LCLAT1: variants seen among roughly 807,000 people sequenced by gnomAD.
LCLAT1 encodes 1-AGP acyltransferase 8.
LCLAT1 carries 11 observed loss-of-function variants against 30.7 expected under a neutral mutation model. That is an observed-to-expected ratio of 0.36 (90% CI 0.23 to 0.59). The LOEUF (loss-of-function observed/expected upper bound fraction) is 0.59. Among genes scored for constraint, LCLAT1 ranks in the 20% least tolerant of loss-of-function variants. LCLAT1 has a pLI of 0.77. For missense variants in LCLAT1, 402 were observed against 458.6 expected (o/e 0.88, Z 1.13); for synonymous variants, 155 against 151.3 (o/e 1.02, Z -0.18).
intron 1 of LCLAT1, among the ~76,000 whole-genome samples, chr2:30,494,059 G>T (rs575255911): frequency 6.6e-6 from 1 of 151,752 alleles, no homozygotes; most frequent in East Asian, 1.9e-4. Context: ...TAAAATAGAA[G>T]AATAAAAAAA....
intron 3 of LCLAT1, among the ~76,000 whole-genome samples, chr2:30,548,363 G>A (rs546586200): frequency 2.6e-5 from 4 of 152,238 alleles, no homozygotes; most frequent in African/African-American, 4.8e-5. Flanking sequence ...AGGGAGCCAC[G>A]GGACATCAAT....
chr2:30,572,665 A>C (rs1004807170), intron 5 of LCLAT1, among the ~76,000 whole-genome samples: 4 of 152,056 alleles, frequency 2.6e-5, no homozygotes, highest in African/African-American at 9.7e-5. Flanking sequence ...CCACTGTATA[A>C]GAAGCTTACA....
intron 1 of LCLAT1, among the ~76,000 whole-genome samples, chr2:30,477,858 G>A (rs1162121771): frequency 7.2e-5 from 11 of 152,006 alleles, no homozygotes; most frequent in Non-Finnish European, 1.5e-4. Flanking sequence ...CTCTGTGCCC[G>A]TTTTGGTAAA....
At chr2:30,617,243 A>G (rs1210522803) in intron 5 of LCLAT1, among the ~76,000 whole-genome samples, 1 of 152,108 alleles carries the variant, frequency 6.6e-6, no homozygotes, top group African/African-American at 2.4e-5. Flanking sequence ...TTCTGTCACC[A>G]TAGTTTTGCC....
At chr2:30,598,272 G>C (rs985332578) in intron 5 of LCLAT1, among the ~76,000 whole-genome samples, 1 of 151,956 alleles carries the variant, frequency 6.6e-6, no homozygotes, top group Non-Finnish European at 1.5e-5. Context: ...GTCTGGTCCT[G>C]GGCTTTTTTT....
chr2:30,473,201 G>A (rs2692041), intron 1 of LCLAT1, among the ~76,000 whole-genome samples: 33,848 of 152,026 alleles, frequency 0.22, 3,862 homozygotes, highest in East Asian at 0.35. Flanking sequence ...GTGTCTAACT[G>A]TATTACATAT....
At chr2:30,600,449 A>G (rs975476354) in intron 5 of LCLAT1, among the ~76,000 whole-genome samples, 6 of 152,198 alleles carry the variant, frequency 3.9e-5, no homozygotes, top group Non-Finnish European at 8.8e-5. Flanking sequence ...CATCACAACT[A>G]AAAGAACTAG....
intron 2 of LCLAT1, among the ~76,000 whole-genome samples, chr2:30,531,054 A>G (rs765899642): frequency 6.6e-6 from 1 of 152,118 alleles, no homozygotes; most frequent in African/African-American, 2.4e-5. Context: ...TCGCAAGTTC[A>G]GGAGTTCAAG....
chr2:30,631,098 C>G (rs1668746932), intron 5 of LCLAT1, among the ~76,000 whole-genome samples: 1 of 152,208 alleles, frequency 6.6e-6, no homozygotes, highest in South Asian at 2.1e-4. Flanking sequence ...TGCATTGACA[C>G]AGCCACAACT....
At chr2:30,526,547 G>T (rs1254658243) in intron 2 of LCLAT1, among the ~76,000 whole-genome samples, 1 of 152,150 alleles carries the variant, frequency 6.6e-6, no homozygotes, top group Admixed American at 6.5e-5. Flanking sequence ...TCAGCTGGAT[G>T]ATGTCTAGTA....
At chr2:30,510,179 C>T (rs1294526458) in intron 1 of LCLAT1, among the ~76,000 whole-genome samples, 1 of 151,928 alleles carries the variant, frequency 6.6e-6, no homozygotes, top group African/African-American at 2.4e-5. Context: ...TTCTTGACCT[C>T]TCATCTATGA....
intron 5 of LCLAT1, among the ~76,000 whole-genome samples, chr2:30,595,080 GATTT>G (rs1283050347): frequency 6.6e-5 from 10 of 151,972 alleles, no homozygotes; most frequent in African/African-American, 9.7e-5. Flanking sequence ...GTGAATAAGA[GATTT>G]ATTATGTATC....
intron 1 of LCLAT1, among the ~76,000 whole-genome samples, chr2:30,467,507 C>T (rs1336416115): frequency 3.3e-5 from 5 of 152,334 alleles, no homozygotes; most frequent in South Asian, 4.1e-4. Context: ...CTTGAGGAAT[C>T]GCCACACTGT....
chr2:30,590,323 A>AT (rs35473084), intron 5 of LCLAT1, among the ~76,000 whole-genome samples: 86,378 of 148,602 alleles, frequency 0.58, 25,247 homozygotes, highest in Non-Finnish European at 0.62. Context: ...CTTTTGATAG[A>AT]TTTTTTTTTT....
chr2:30,461,769 A>G (rs1431638802), intron 1 of LCLAT1, among the ~76,000 whole-genome samples: 3 of 121,278 alleles, frequency 2.5e-5, no homozygotes, highest in Non-Finnish European at 5.4e-5. Flanking sequence ...TCTAAATTAA[A>G]CTTTTTTTTT....
At chr2:30,534,953 C>T (rs1686172084) in intron 3 of LCLAT1, among the ~76,000 whole-genome samples, 1 of 152,032 alleles carries the variant, frequency 6.6e-6, no homozygotes, top group Admixed American at 6.5e-5. Flanking sequence ...GATATACTAA[C>T]AGGATATTAA....
chr2:30,545,443 G>A lies in LCLAT1; in HGVS notation c.364+12129G>A, dbSNP rs116777752. The stretch of plus-strand genomic sequence containing the variant: ...GTGCAACTGACTAAAGGAAAACACT[G>A]TATCTGTAGTGCCAGGTTGGGAAAT... On this transcript the variant is annotated intron_variant, in intron 3 of 5. Transcript: ENST00000379509. Among the ~76,000 whole-genome samples the A allele has an allele frequency of 6.9e-3, 1,057 of 152,154 alleles. 11 individuals are homozygous for A. Among genetic ancestry groups the A allele is most frequent in the African/African-American group, 0.024 (1,003 of 41,524 alleles).
chr2:30,476,051 C>T (rs1683026452), intron 1 of LCLAT1, among the ~76,000 whole-genome samples: 1 of 152,166 alleles, frequency 6.6e-6, no homozygotes, highest in Non-Finnish European at 1.5e-5. Flanking sequence ...GGACCTTAAG[C>T]ACTGTCCTGG....
intron 1 of LCLAT1, among the ~76,000 whole-genome samples, chr2:30,513,880 T>C (rs532527874): frequency 6.6e-6 from 1 of 152,344 alleles, no homozygotes; most frequent in East Asian, 1.9e-4. Context: ...TTACATGTGT[T>C]GATTGATGTC....
Sources: allele counts gnomAD v4.1 joint callset (sites outside exome capture counted in the v4.1 genomes callset), GRCh38; gene constraint gnomAD v4.1.1; transcripts MANE v1.5; gene names NCBI Gene and HGNC (gene_info 2026-07-23, HGNC 2026-07-21).